TMEM117: variants seen among roughly 807,000 people sequenced by gnomAD.
TMEM117 encodes transmembrane protein 117.
Under a neutral mutation model 52.4 loss-of-function variants are expected in TMEM117, and 27 were observed. The ratio of observed to expected loss-of-function variants is 0.51; its 90% CI spans 0.38 to 0.71. The LOEUF (loss-of-function observed/expected upper bound fraction) is 0.71. Among genes scored for constraint, TMEM117 ranks in the 30% least tolerant of loss-of-function variants. The pLI, the probability that TMEM117 is intolerant of heterozygous loss-of-function variation, is 0.00. For missense variants in TMEM117, 556 were observed against 630.5 expected, an observed-to-expected ratio of 0.88 and a Z score of 1.26; for synonymous variants, 215 against 206.3, an observed-to-expected ratio of 1.04 and a Z score of -0.36.
In TMEM117 at chr12:44,251,326, A is replaced by T. The variant is rs77144400; in HGVS notation, c.608+39939A>T. On this transcript the variant is annotated intron_variant, in intron 5 of 7. Transcript: ENST00000266534. Reference sequence around the variant, plus strand: ...GCATTTAAAATGTGGTTACTGACAGATCTGTCATGCCAATTTATGAGATGT... The same window carrying T: ...GCATTTAAAATGTGGTTACTGACAGTTCTGTCATGCCAATTTATGAGATGT... Among the ~76,000 whole-genome samples, 185 of 152,330 alleles carry T rather than the reference A, an allele frequency of 1.2e-3. 3 individuals carry two copies. In the East Asian group the frequency reaches 0.029, roughly 23 times the overall value.
chr12:43,999,263 A>G (rs1946078790), intron 3 of TMEM117, among the ~76,000 whole-genome samples: 1 of 152,164 alleles, frequency 6.6e-6, no homozygotes. Flanking sequence ...TTTACACTAA[A>G]TACTCCTGTT....
At chr12:44,248,014 G>T (rs1950151737) in intron 5 of TMEM117, among the ~76,000 whole-genome samples, 1 of 152,198 alleles carries the variant, frequency 6.6e-6, no homozygotes, top group Non-Finnish European at 1.5e-5. Flanking sequence ...GAGGACTTGG[G>T]TTATGCTAAC....
At chr12:44,206,345 C>T (rs1044509599) in intron 4 of TMEM117, among the ~76,000 whole-genome samples, 1 of 152,160 alleles carries the variant, frequency 6.6e-6, no homozygotes, top group Non-Finnish European at 1.5e-5. Context: ...GGTAAACCAA[C>T]AACCTCCAGC....
At chr12:43,839,410 C>T (rs917133275) in intron 1 of TMEM117, among the ~76,000 whole-genome samples, 1 of 152,154 alleles carries the variant, frequency 6.6e-6, no homozygotes, top group African/African-American at 2.4e-5. Flanking sequence ...TGCTCCCCAT[C>T]CAGTCATACT....
intron 5 of TMEM117, among the ~76,000 whole-genome samples, chr12:44,223,086 A>G (rs1949811469): frequency 1.3e-5 from 2 of 149,610 alleles, no homozygotes; most frequent in South Asian, 4.2e-4. Flanking sequence ...GTACAAGTGC[A>G]GGTTTGTTAC....
intron 3 of TMEM117, among the ~76,000 whole-genome samples, chr12:43,955,419 A>C (rs1182343780): frequency 1.3e-5 from 2 of 152,212 alleles, no homozygotes; most frequent in Non-Finnish European, 2.9e-5. Flanking sequence ...AAAGCTTCTT[A>C]AGCTGATAAA....
At chr12:43,903,684 T>C (rs1340058366) in intron 2 of TMEM117, among the ~76,000 whole-genome samples, 5 of 152,182 alleles carry the variant, frequency 3.3e-5, no homozygotes, top group Admixed American at 2.0e-4. Flanking sequence ...GTCTGCACTT[T>C]ACAAGAGAGT....
intron 6 of TMEM117, among the ~76,000 whole-genome samples, chr12:44,315,198 C>T (rs1390244733): frequency 2.0e-5 from 3 of 152,100 alleles, no homozygotes; most frequent in Non-Finnish European, 2.9e-5. Flanking sequence ...TTCAGAGAGC[C>T]AACTTTTGGG....
At chr12:44,298,846 A>G (rs1167686762) in intron 5 of TMEM117, among the ~76,000 whole-genome samples, 1 of 150,652 alleles carries the variant, frequency 6.6e-6, no homozygotes, top group Non-Finnish European at 1.5e-5. Context: ...AGTCTTAGAG[A>G]TGGTGATGAG....
intron 6 of TMEM117, among the ~76,000 whole-genome samples, chr12:44,338,112 A>G (rs955324369): frequency 3.3e-5 from 5 of 151,864 alleles, no homozygotes; most frequent in African/African-American, 9.7e-5. Flanking sequence ...GAATATTTTT[A>G]AAAACAGACC....
chr12:44,375,890 C>T (rs983671068), intron 6 of TMEM117, among the ~76,000 whole-genome samples: 9 of 152,158 alleles, frequency 5.9e-5, no homozygotes, highest in Admixed American at 2.6e-4. Context: ...AAAATATCCT[C>T]ATTTGCATCT....
At chr12:44,169,109 A>G (rs1419059634) in intron 4 of TMEM117, among the ~76,000 whole-genome samples, 1 of 152,060 alleles carries the variant, frequency 6.6e-6, no homozygotes, top group Admixed American at 6.5e-5. Context: ...CCATTGAAGG[A>G]TATTTGGATT....
At chr12:44,019,027 C>T (rs908211945) in intron 3 of TMEM117, among the ~76,000 whole-genome samples, 3 of 152,172 alleles carry the variant, frequency 2.0e-5, no homozygotes, top group Admixed American at 1.3e-4. Context: ...TGTAGCTGCA[C>T]TCAACCCTAA....
At chr12:43,815,008 G>T in the TMEM117 span, among the ~76,000 whole-genome samples, 1 of 152,020 alleles carries the variant, frequency 6.6e-6, no homozygotes, top group African/African-American at 2.4e-5. Flanking sequence ...GCCTCCCAAA[G>T]TGCTGGGATT....
chr12:43,842,961 T>A (rs79716923), intron 1 of TMEM117, among the ~76,000 whole-genome samples: 3 of 152,090 alleles, frequency 2.0e-5, no homozygotes, highest in Non-Finnish European at 2.9e-5. Flanking sequence ...GCCTCAGAGA[T>A]TCAGATCAGA....
chr12:43,914,349 GA>G, intron 2 of TMEM117, among the ~76,000 whole-genome samples: 2 of 152,114 alleles, frequency 1.3e-5, no homozygotes, highest in Middle Eastern at 3.4e-3. Context: ...TAGCTCTAAT[GA>G]ACCCGCTCCT....
chr12:44,292,827 TG>T (rs1268414629), intron 5 of TMEM117, among the ~76,000 whole-genome samples: 1 of 152,010 alleles, frequency 6.6e-6, no homozygotes, highest in Non-Finnish European at 1.5e-5. Flanking sequence ...AAAGATAAAG[TG>T]CTGTTTTGTG....
intron 2 of TMEM117, among the ~76,000 whole-genome samples, chr12:43,902,899 A>C (rs1266779552): frequency 6.6e-6 from 1 of 151,880 alleles, no homozygotes; most frequent in African/African-American, 2.4e-5. Context: ...ACAGTACCTA[A>C]ATAGAAAAAA....
At chr12:43,822,957 T>C in the TMEM117 span, among the ~76,000 whole-genome samples, 13 of 151,484 alleles carry the variant, frequency 8.6e-5, 1 homozygote, top group South Asian at 1.0e-3. Context: ...CTCTCTTTAA[T>C]AGAGATAATT....
Sources: gnomAD v4.1 joint callset for allele counts (sites outside exome capture counted in the v4.1 genomes callset) on GRCh38, gnomAD v4.1.1 for gene constraint, MANE v1.5 for transcripts, NCBI Gene and HGNC (gene_info 2026-07-23, HGNC 2026-07-21) for gene names.